Variants in CNDP1 observed in about 807,000 individuals in gnomAD.
CNDP1 encodes carnosine dipeptidase 1, also known as beta-Ala-His dipeptidase.
CNDP1 carries 44 observed loss-of-function variants against 58.1 expected under a neutral mutation model. That is an observed-to-expected ratio of 0.76 (90% confidence interval 0.60 to 0.97). The LOEUF (loss-of-function observed/expected upper bound fraction) is 0.97. CNDP1 is among the 50% of genes least tolerant of loss of function. The probability of loss-of-function intolerance (pLI) is 0.00; values close to 1 mark genes in which losing one functional copy is unlikely to be tolerated. For missense variants in CNDP1, 616 were observed against 655.1 expected, an observed-to-expected ratio of 0.94 and a Z score of 0.65; for synonymous variants, 254 against 252.6, an observed-to-expected ratio of 1.01 and a Z score of -0.05.
At chr18:74,575,365 G>C (rs1479098746) in intron 7 of CNDP1, among the ~76,000 whole-genome samples, 2 of 152,228 alleles carry the variant, frequency 1.3e-5, no homozygotes, top group African/African-American at 4.8e-5. Flanking sequence ...GCAGAAGACT[G>C]TCAGCAGAAG....
In CNDP1 at chr18:74,560,928, A is replaced by G; in HGVS notation, c.376A>G (p.Thr126Ala). The G allele has an allele frequency of 6.2e-7, 1 of 1,614,168 alleles. No individual in the cohort carries two copies. The highest frequency in any genetic ancestry group is 8.5e-7 in the Non-Finnish European group (1 of 1,180,032). Residue 126 changes from threonine (T) to alanine (A), a missense_variant, in exon 4 of 12, where the codon ACC becomes GCC. Coordinates refer to ENST00000358821, the MANE Select transcript of CNDP1 (RefSeq NM_032649.6). ...AELGSDPTKGTVCFYGHLDVQ... is the reference protein window; with the variant it reads ...AELGSDPTKGAVCFYGHLDVQ... ...ACTGGGGAGCGATCCCACGAAAGGC[A>G]CCGTGTGCTTCTACGGCCACTTGGA...
intron 5 of CNDP1, 105 bp downstream of exon 5, chr18:74,562,240 C>T (rs1032439494): frequency 1.8e-5 from 17 of 946,992 alleles, no homozygotes; most frequent in African/African-American, 6.5e-5. Context: ...GTCACTTACT[C>T]GCCCCAACAA....
chr18:74,557,559 C>T (rs1404715845), intron 2 of CNDP1, among the ~76,000 whole-genome samples: 2 of 152,096 alleles, frequency 1.3e-5, no homozygotes, highest in East Asian at 1.9e-4. Flanking sequence ...CTCTCCTAGG[C>T]TCTCTTGTCC....
Position 74,556,359 on chromosome 18 carries a change from C to CTG in CNDP1, c.47_48dup (p.Leu17CysfsTer20), listed in dbSNP as rs779835493. 270 of 1,417,636 alleles carry CTG rather than the reference C, an allele frequency of 1.9e-4. No homozygotes were observed. The highest frequency in any genetic ancestry group is 2.6e-4 in the Non-Finnish European group (265 of 1,032,356). The allele number at this position is 1,417,636 out of a possible 1,614,324, so 87.8% of individuals were successfully genotyped here. On this transcript the variant is annotated frameshift_variant, in exon 2 of 12. Coordinates refer to ENST00000358821, the MANE Select transcript of CNDP1 (RefSeq NM_032649.6). LOFTEE classifies it high-confidence loss of function. ...CCAGGCTGCGTCCCTGCTGGCTGTG[C>CTG]TGCTGCTGCTGCTGGAGCGCGGCAT... is the stretch of plus-strand genomic sequence containing the variant.
Position 74,585,643 on chromosome 18 carries a change from TA to T in CNDP1, c.*1083del, listed in dbSNP as rs1981892292. ...TATGAATTTATTATTTAAATCACAT[TA>T]ATGGAGAATCATTTAGGGGCTTATT... On this transcript the variant is annotated 3_prime_UTR_variant, in exon 12 of 12. Transcript: ENST00000358821. 2 of 152,228 alleles carry T rather than the reference TA, an allele frequency of 1.3e-5. No homozygotes were observed. Among genetic ancestry groups the T allele is most frequent in the African/African-American group, 4.8e-5 (2 of 41,458 alleles). 9.4% of individuals were successfully genotyped at this position (152,228 alleles called of 1,614,324 possible). A position where few individuals can be genotyped will look rare whatever the true frequency, so the allele number is the denominator to read the frequency against.
Position 74,579,228 on chromosome 18 carries a change from CCCTCA to C in CNDP1, c.1168-897_1168-893del, listed in dbSNP as rs1981723688. Among the ~76,000 whole-genome samples the C allele has an allele frequency of 2.8e-5, 4 of 143,226 alleles. No homozygotes were observed. The East Asian group carries it at 6.3e-4, about 23-fold the overall frequency. 94.0% of individuals were successfully genotyped at this position (143,226 alleles called of 152,430 possible). ...GCCTTCCCTTCCCTTCCCTTCCCTTCCCTCACCTCCCCTCTCCTTTCCTTTTTCTT... is the reference window on the plus strand; with the variant it reads ...GCCTTCCCTTCCCTTCCCTTCCCTTCCCTCCCCTCTCCTTTCCTTTTTCTT... On this transcript the variant is annotated intron_variant, in intron 9 of 11. Coordinates refer to ENST00000358821, the MANE Select transcript of CNDP1 (RefSeq NM_032649.6).
rs748626746 is a variant in CNDP1, at chr18:74,534,701, ACCT to A, written c.24+16_24+18del. The A allele has an allele frequency of 5.0e-6, 8 of 1,613,868 alleles. No homozygotes were observed. The East Asian group carries it at 1.8e-4, about 36-fold the overall frequency. ...CAAACTCGGGAGAATGGTGAGTAGG[ACCT>A]CCTCCATCAGAGTCCGTGCATTGGG... On this transcript the variant is annotated intron_variant, in intron 1 of 11. Transcript: ENST00000358821.
In CNDP1 at chr18:74,555,601, C is replaced by A. The variant is rs886985544; in HGVS notation, c.25-737C>A. On this transcript the variant is annotated intron_variant, in intron 1 of 11. Coordinates refer to ENST00000358821, the MANE Select transcript of CNDP1 (RefSeq NM_032649.6). ...AAGGAGGAATGCTGGCTCTTAGGCT[C>A]CCAAGGACACCCAGGTGGAGTCATC... Among the ~76,000 whole-genome samples, 32 of 152,116 alleles carry A rather than the reference C, an allele frequency of 2.1e-4. 1 individual carries two copies. Among genetic ancestry groups the A allele is most frequent in the African/African-American group, 7.5e-4 (31 of 41,416 alleles).
intron 1 of CNDP1, among the ~76,000 whole-genome samples, chr18:74,546,355 G>A (rs920617386): frequency 1.3e-5 from 2 of 152,134 alleles, no homozygotes; most frequent in Non-Finnish European, 1.5e-5. Context: ...CTTCCCCACC[G>A]CCTACCCACG....
In CNDP1 at chr18:74,584,556, C is replaced by T; in HGVS notation, c.1518C>T (p.Leu506=). The change falls in exon 12 of 12, where the codon CTC becomes CTT. Residue 506 remains leucine, a synonymous_variant. Transcript: ENST00000358821. ...CCTTTTTCTTAGAGATGGCCCAGCT[C>T]CATTAATCACAAGAACCTTCTAGTC... ...FAAFFLEMAQ[L]H 1 of 1,612,996 alleles carries T rather than the reference C, an allele frequency of 6.2e-7. No individual in the cohort carries two copies. Among genetic ancestry groups the T allele is most frequent in the Non-Finnish European group, 8.5e-7 (1 of 1,178,988 alleles).
rs541658640 is a variant in CNDP1 at position 74,537,109 on chromosome 18, C to T, written c.24+2418C>T. ...TGTCCGTTTACTCTGTTGATAGTTT[C>T]TTTTACTGTGCAGAAGCTCTTAAGT... On this transcript the variant is annotated intron_variant, in intron 1 of 11. Transcript: ENST00000358821. 2.0e-5 allele frequency among the ~76,000 whole-genome samples: 3 copies of T among 152,296 alleles called. No individual in the cohort carries two copies. In the East Asian group the frequency reaches 5.8e-4, roughly 29 times the overall value.
chr18:74,572,485 T>C (rs1030164668), intron 7 of CNDP1, among the ~76,000 whole-genome samples: 11 of 152,130 alleles, frequency 7.2e-5, no homozygotes, highest in Non-Finnish European at 1.6e-4. Context: ...GTATAGCTCC[T>C]TTATGCAAAT....
In CNDP1 at chr18:74,582,927, T is replaced by C. The variant is rs138651250; in HGVS notation, c.1310-634T>C. On this transcript the variant is annotated intron_variant, in intron 10 of 11. Coordinates refer to ENST00000358821, the MANE Select transcript of CNDP1 (RefSeq NM_032649.6). ...CAGAGTAAGAGATAGATGGGAGCTCTCTCTCTACTATTTTTGCAACTTTTC... is the reference window on the plus strand; with the variant it reads ...CAGAGTAAGAGATAGATGGGAGCTCCCTCTCTACTATTTTTGCAACTTTTC... Among the ~76,000 whole-genome samples the C allele has an allele frequency of 4.5e-3, 689 of 152,314 alleles. 9 individuals are homozygous for C. The highest frequency in any genetic ancestry group is 0.024 in the East Asian group (123 of 5,188).
At position 74,586,072 on chromosome 18, in the gene CNDP1, TGTCA is replaced by T. The variant is rs1981907940; in HGVS notation, c.*1513_*1516del. The T allele has an allele frequency of 6.6e-6, 1 of 150,758 alleles. No homozygotes were observed. The highest frequency in any genetic ancestry group is 1.5e-5 in the Non-Finnish European group (1 of 67,916). The allele number at this position is 150,758 out of a possible 1,614,324, so 9.3% of individuals were successfully genotyped here. A position where few individuals can be genotyped will look rare whatever the true frequency, so the allele number is the denominator to read the frequency against. Reference sequence around the variant, plus strand: ...TCCATCACTCTGTTGGTTCTTGAGATGTCAGTGTCAGTTTAAAAACGTGCTGTAC... The same window carrying T: ...TCCATCACTCTGTTGGTTCTTGAGATGTGTCAGTTTAAAAACGTGCTGTAC... On this transcript the variant is annotated 3_prime_UTR_variant, in exon 12 of 12. Coordinates refer to ENST00000358821, the MANE Select transcript of CNDP1 (RefSeq NM_032649.6).
intron 1 of CNDP1, among the ~76,000 whole-genome samples, chr18:74,549,938 C>CTTA (rs1421062607): frequency 6.6e-6 from 1 of 152,236 alleles, no homozygotes; most frequent in African/African-American, 2.4e-5. Flanking sequence ...AGCCTACAGA[C>CTTA]ACACAGAGTG....
chr18:74,543,192 A>G (rs1980668533), intron 1 of CNDP1, among the ~76,000 whole-genome samples: 1 of 152,190 alleles, frequency 6.6e-6, no homozygotes, highest in South Asian at 2.1e-4. Flanking sequence ...GTATCTATGA[A>G]TCAGGAGCAG....
At chr18:74,560,778 C>T in intron 3 of CNDP1, 78 bp from the exon 4 acceptor site, 1 of 1,337,030 alleles carries the variant, frequency 7.5e-7, no homozygotes, top group African/African-American at 1.4e-5. Context: ...TCAAACAAGA[C>T]TCCCAATGTC....
intron 1 of CNDP1, among the ~76,000 whole-genome samples, chr18:74,548,262 T>A (rs936306626): frequency 1.3e-5 from 2 of 152,076 alleles, no homozygotes; most frequent in African/African-American, 4.8e-5. Context: ...GTGGGAGGTG[T>A]TTGGGTCATG....
Position 74,556,391 on chromosome 18 carries a change from C to T in CNDP1, c.78C>T (p.Ser26=), listed in dbSNP as rs1263523505. 2 of 1,614,074 alleles carry T rather than the reference C, an allele frequency of 1.2e-6. No individual in the cohort carries two copies. The highest frequency in any genetic ancestry group is 8.5e-7 in the Non-Finnish European group (1 of 1,180,010). ...LLLLLERGMF[S]SPSPPPALLE... Reference sequence around the variant, plus strand: ...TGCTGCTGGAGCGCGGCATGTTCTCCTCACCCTCCCCGCCCCCGGCGCTGT... The same window carrying T: ...TGCTGCTGGAGCGCGGCATGTTCTCTTCACCCTCCCCGCCCCCGGCGCTGT... Residue 26 remains serine (S), a synonymous_variant, in exon 2 of 12, where the codon TCC becomes TCT. Coordinates refer to ENST00000358821, the MANE Select transcript of CNDP1 (RefSeq NM_032649.6).
Sources: allele counts gnomAD v4.1 joint callset (sites outside exome capture counted in the v4.1 genomes callset), GRCh38; gene constraint gnomAD v4.1.1; transcripts MANE v1.5; gene names NCBI Gene and HGNC (gene_info 2026-07-23, HGNC 2026-07-21).